Variants in CSMD3 observed in about 807,000 individuals in gnomAD.
CSMD3 encodes CUB and Sushi multiple domains 3, also known as CUB and sushi domain-containing protein 3.
CSMD3 carries 177 observed loss-of-function variants against 435.2 expected under a neutral mutation model. The ratio of observed to expected loss-of-function variants is 0.41; its 90% CI spans 0.36 to 0.46. The LOEUF is 0.46. Among genes scored for constraint, CSMD3 ranks in the 20% least tolerant of loss-of-function variants. The pLI is 0.34. For synonymous variants in CSMD3, 1,656 were observed against 1,520.5 expected, an observed-to-expected ratio of 1.09 and a Z score of -2.07; for missense variants, 4,265 against 4,504.6, an observed-to-expected ratio of 0.95 and a Z score of 1.52.
At chr8:112,995,781 T>C (rs1168759040) in intron 6 of CSMD3, among the ~76,000 whole-genome samples, 1 of 151,508 alleles carries the variant, frequency 6.6e-6, no homozygotes, top group African/African-American at 2.4e-5. Context: ...AAATGCAATA[T>C]AATTGTTCGT....
chr8:112,967,856 G>A (rs1201021150), intron 7 of CSMD3, among the ~76,000 whole-genome samples: 1 of 149,282 alleles, frequency 6.7e-6, no homozygotes, highest in Non-Finnish European at 1.5e-5. Flanking sequence ...AAGAAAAGAA[G>A]ATGGAACAGA....
chr8:113,011,640 T>C (rs1248567340), intron 6 of CSMD3, among the ~76,000 whole-genome samples: 1 of 151,800 alleles, frequency 6.6e-6, no homozygotes, highest in Non-Finnish European at 1.5e-5. Context: ...CCCAGTATTA[T>C]TGACTTAGAT....
chr8:112,621,260 TA>T (rs974047267), intron 22 of CSMD3, among the ~76,000 whole-genome samples: 42 of 151,980 alleles, frequency 2.8e-4, no homozygotes, highest in African/African-American at 1.0e-3. Context: ...TTAATTAATA[TA>T]AAAATAAAAA....
In CSMD3 at chr8:112,829,814, C is replaced by T. The variant is rs1372358925; in HGVS notation, c.1756-25G>A. ...CCTAGCAGTAAACAGAAACATGCAC[C>T]TTAAATATACTGCGTTGTGCAATAA... On this transcript the variant is annotated intron_variant, in intron 11 of 70. Transcript: ENST00000297405. 4.2e-6 allele frequency: 5 copies of T among 1,183,322 alleles called. No individual in the cohort carries two copies. The South Asian group carries it at 6.1e-5, about 14-fold the overall frequency. The allele number at this position is 1,183,322 out of a possible 1,614,324, so 73.3% of individuals were successfully genotyped here. A position where few individuals can be genotyped will look rare whatever the true frequency, so the allele number is the denominator to read the frequency against.
intron 12 of CSMD3, among the ~76,000 whole-genome samples, chr8:112,820,244 A>T (rs937076874): frequency 6.6e-6 from 1 of 152,186 alleles, no homozygotes; most frequent in Non-Finnish European, 1.5e-5. Flanking sequence ...GGCACTTGAC[A>T]TCAAATGAGA....
chr8:112,933,702 AT>A (rs2083190896), intron 9 of CSMD3, among the ~76,000 whole-genome samples: 1 of 152,172 alleles, frequency 6.6e-6, no homozygotes. Flanking sequence ...AACTCTCATT[AT>A]TTTACATTAA....
At chr8:112,928,214 T>G (rs543621853) in intron 9 of CSMD3, among the ~76,000 whole-genome samples, 1 of 152,210 alleles carries the variant, frequency 6.6e-6, no homozygotes, top group African/African-American at 2.4e-5. Flanking sequence ...AGAAATACAT[T>G]GTTCAGAGAG....
chr8:112,699,362 G>A (rs549199019), intron 13 of CSMD3, among the ~76,000 whole-genome samples: 3 of 152,192 alleles, frequency 2.0e-5, no homozygotes, highest in Non-Finnish European at 2.9e-5. Flanking sequence ...AACATTCACC[G>A]CTAGGGTCCA....
At chr8:113,129,795 G>T (rs2091237820) in intron 4 of CSMD3, among the ~76,000 whole-genome samples, 1 of 152,024 alleles carries the variant, frequency 6.6e-6, no homozygotes, top group African/African-American at 2.4e-5. Context: ...GGATGATGCT[G>T]AAGAGGTATC....
chr8:112,709,411 G>T (rs1380761233), intron 13 of CSMD3, among the ~76,000 whole-genome samples: 3 of 152,038 alleles, frequency 2.0e-5, no homozygotes, highest in African/African-American at 7.2e-5. Flanking sequence ...CACGCTTGGG[G>T]AAGGTTAACT....
intron 32 of CSMD3, among the ~76,000 whole-genome samples, chr8:112,461,234 G>T (rs1213931930): frequency 6.6e-6 from 1 of 152,086 alleles, no homozygotes. Flanking sequence ...GTTTACAAAA[G>T]ACTCCGCCTG....
chr8:112,811,946 G>C (rs1199217757), intron 12 of CSMD3, among the ~76,000 whole-genome samples: 1 of 152,166 alleles, frequency 6.6e-6, no homozygotes, highest in African/African-American at 2.4e-5. Flanking sequence ...AGTAAAGGAT[G>C]CTGTGGGCTA....
At chr8:112,958,243 A>G (rs1409085004) in intron 7 of CSMD3, among the ~76,000 whole-genome samples, 1 of 152,220 alleles carries the variant, frequency 6.6e-6, no homozygotes, top group African/African-American at 2.4e-5. Flanking sequence ...ATTAAATGCA[A>G]GATTGATAGG....
chr8:112,814,385 G>A (rs1019487711), intron 12 of CSMD3, among the ~76,000 whole-genome samples: 5 of 152,120 alleles, frequency 3.3e-5, no homozygotes, highest in Admixed American at 3.3e-4. Context: ...ATAACAGGGA[G>A]GGAAACAAGA....
intron 7 of CSMD3, among the ~76,000 whole-genome samples, chr8:112,973,688 A>C (rs1269319123): frequency 1.3e-5 from 2 of 151,916 alleles, no homozygotes; most frequent in Non-Finnish European, 2.9e-5. Flanking sequence ...GAACTTCAGA[A>C]AACACTAAGC....
At chr8:112,291,256 C>T (rs191630775) in intron 56 of CSMD3, among the ~76,000 whole-genome samples, 606 of 151,938 alleles carry the variant, frequency 4.0e-3, no homozygotes, top group Non-Finnish European at 6.2e-3. Context: ...AATATGACTA[C>T]TTTTCATATT....
At chr8:113,104,951 T>G (rs1019415317) in intron 4 of CSMD3, among the ~76,000 whole-genome samples, 2 of 152,076 alleles carry the variant, frequency 1.3e-5, no homozygotes, top group Non-Finnish European at 2.9e-5. Flanking sequence ...AAGAGACATG[T>G]TGAGAAAATG....
At position 112,223,174 on chromosome 8, in the gene CSMD3, G is replaced by C. The variant is rs1325342491; in HGVS notation, c.*1597C>G. The C allele has an allele frequency of 2.5e-6, 1 of 396,558 alleles. No homozygotes were observed. Among genetic ancestry groups the C allele is most frequent in the Non-Finnish European group, 4.5e-6 (1 of 224,594 alleles). 24.6% of individuals were successfully genotyped at this position (396,558 alleles called of 1,614,324 possible). On this transcript the variant is annotated 3_prime_UTR_variant, in exon 71 of 71. Coordinates refer to ENST00000297405, the MANE Select transcript of CSMD3 (RefSeq NM_198123.2). ...AATAAACAAGAATAAATAACTGATG[G>C]CATAAAATTTAAAACTGCATCCTGC... is the stretch of plus-strand genomic sequence containing the variant.
At chr8:113,156,731 CCTAA>C (rs1206353686) in intron 4 of CSMD3, among the ~76,000 whole-genome samples, 4 of 79,622 alleles carry the variant, frequency 5.0e-5, no homozygotes, top group African/African-American at 2.1e-4. Flanking sequence ...CAAAATCTCA[CCTAA>C]ATAAATAAAT....
Sources: allele counts gnomAD v4.1 joint callset (sites outside exome capture counted in the v4.1 genomes callset), GRCh38; gene constraint gnomAD v4.1.1; transcripts MANE v1.5; gene names NCBI Gene and HGNC (gene_info 2026-07-23, HGNC 2026-07-21).